The following TMEM131L variants were observed in gnomAD, a reference collection of about 807,000 sequenced individuals.
TMEM131L encodes the protein transmembrane 131 like, also known as transmembrane protein 131-like.
In TMEM131L, 54 loss-of-function variants were observed where a neutral mutation model predicts 192.2. The ratio of observed to expected loss-of-function variants is 0.28; its 90% confidence interval spans 0.23 to 0.35. The LOEUF is 0.35. Ranked by LOEUF, TMEM131L falls within the 10% of genes least tolerant of loss-of-function variation. The probability of loss-of-function intolerance (pLI) is 1.00; values close to 1 mark genes in which losing one functional copy is unlikely to be tolerated. For missense variants in TMEM131L, 1,888 were observed against 1,972.9 expected, an observed-to-expected ratio of 0.96 and a Z score of 0.82; for synonymous variants, 701 against 704.9, an observed-to-expected ratio of 0.99 and a Z score of 0.09.
intron 7 of TMEM131L, among the ~76,000 whole-genome samples, chr4:153,568,221 AAGG>A (rs1396209829): frequency 4.6e-5 from 7 of 152,262 alleles, no homozygotes; most frequent in African/African-American, 1.7e-4. Context: ...GACTGGAAGA[AAGG>A]AGGGGCGCGT....
rs750906462 is a variant in TMEM131L at position 153,621,853 on chromosome 4, T to C, written c.3859+4T>C. 3 of 1,613,676 alleles carry C rather than the reference T, an allele frequency of 1.9e-6. No individual in the cohort carries two copies. Among genetic ancestry groups the C allele is most frequent in the Middle Eastern group, 3.3e-4 (2 of 6,058 alleles). On this transcript the variant is annotated splice_donor_region_variant and intron_variant, in intron 28 of 34. Transcript: ENST00000409959. Reference sequence around the variant, plus strand: ...CCTGCTGCCCAGAGAGAGGCAGGTATGTAATGATACTGAGCTACAAATGGT... The same window carrying C: ...CCTGCTGCCCAGAGAGAGGCAGGTACGTAATGATACTGAGCTACAAATGGT...
At chr4:153,618,087 G>A (rs903566880) in intron 26 of TMEM131L, among the ~76,000 whole-genome samples, 3 of 152,108 alleles carry the variant, frequency 2.0e-5, no homozygotes, top group Non-Finnish European at 4.4e-5. Context: ...GTGGCTTTAA[G>A]AATGACTTTT....
intron 10 of TMEM131L, 71 bp from the exon 11 acceptor site, chr4:153,583,493 A>T (rs527946001): frequency 9.5e-7 from 1 of 1,050,132 alleles, no homozygotes; most frequent in African/African-American, 1.6e-5. Flanking sequence ...ATTTATTCTA[A>T]CGGTTCATTC....
At position 153,466,387 on chromosome 4, in the gene TMEM131L, C is replaced by G; in HGVS notation, c.-11C>G. Reference sequence around the variant, plus strand: ...GCGCGGCGAGCAACGGAGAGGAGCGCGAGCAGCAGCATGGCGGGGCTCCGA... The same window carrying G: ...GCGCGGCGAGCAACGGAGAGGAGCGGGAGCAGCAGCATGGCGGGGCTCCGA... On this transcript the variant is annotated 5_prime_UTR_variant, in exon 1 of 35. Coordinates refer to ENST00000409959, the MANE Select transcript of TMEM131L (RefSeq NM_001131007.2). 6.1e-6 allele frequency: 8 copies of G among 1,305,858 alleles called. No individual in the cohort carries two copies. Among genetic ancestry groups the G allele is most frequent in the Non-Finnish European group, 6.8e-6 (7 of 1,024,000 alleles). 80.9% of individuals were successfully genotyped at this position (1,305,858 alleles called of 1,614,324 possible). A position where few individuals can be genotyped will look rare whatever the true frequency, so the allele number is the denominator to read the frequency against.
chr4:153,492,550 A>G (rs751938283), intron 3 of TMEM131L, among the ~76,000 whole-genome samples: 14 of 152,226 alleles, frequency 9.2e-5, no homozygotes, highest in South Asian at 4.1e-4. Flanking sequence ...AAATATTCTG[A>G]TGTAATAAGT....
intron 4 of TMEM131L, among the ~76,000 whole-genome samples, chr4:153,551,647 C>T (rs1236999419): frequency 1.3e-5 from 2 of 152,036 alleles, no homozygotes; most frequent in African/African-American, 4.8e-5. Flanking sequence ...TGAGCCACCG[C>T]ACCCAGCCTG....
intron 1 of TMEM131L, among the ~76,000 whole-genome samples, chr4:153,466,784 C>T (rs1579992027): frequency 6.6e-6 from 1 of 152,126 alleles, no homozygotes; most frequent in South Asian, 2.1e-4. Context: ...AGCCTTTGTG[C>T]GCGGGCCCCT....
intron 25 of TMEM131L, among the ~76,000 whole-genome samples, chr4:153,605,160 TA>T (rs2126431002): frequency 6.6e-6 from 1 of 152,306 alleles, no homozygotes; most frequent in East Asian, 1.9e-4. Context: ...ATTCCTTGGT[TA>T]AAAGAAGACA....
intron 3 of TMEM131L, among the ~76,000 whole-genome samples, chr4:153,481,331 C>T (rs939187512): frequency 5.3e-5 from 8 of 152,140 alleles, no homozygotes; most frequent in Non-Finnish European, 1.2e-4. Flanking sequence ...ATACCTGACA[C>T]CTGGGTGAAG....
chr4:153,627,576 T>C, intron 30 of TMEM131L, 29 bp from the exon 31 acceptor site: 1 of 1,567,800 alleles, frequency 6.4e-7, no homozygotes. Flanking sequence ...AAAAAATGAG[T>C]CGTTCCTCCT....
At chr4:153,596,509 T>TA in intron 20 of TMEM131L, 124 bp downstream of exon 20, 1 of 1,188,598 alleles carries the variant, frequency 8.4e-7, no homozygotes, top group Non-Finnish European at 1.2e-6. Context: ...TGTTGCGGGG[T>TA]AGGAAGAAGT....
chr4:153,602,085 CAATA>C (rs1345967610), intron 21 of TMEM131L, 63 bp from the exon 22 acceptor site: 5 of 967,848 alleles, frequency 5.2e-6, no homozygotes, highest in Non-Finnish European at 7.4e-6. Flanking sequence ...AATATCGATC[CAATA>C]AATTATTTTA....
At chr4:153,620,664 C>A in intron 26 of TMEM131L, 92 bp from the exon 27 acceptor site, 1 of 783,374 alleles carries the variant, frequency 1.3e-6, no homozygotes, top group Non-Finnish European at 1.9e-6. Flanking sequence ...CTGGGACATT[C>A]TGAATTCAGA....
intron 3 of TMEM131L, among the ~76,000 whole-genome samples, chr4:153,514,937 G>A (rs914103069): frequency 4.0e-5 from 6 of 151,786 alleles, no homozygotes; most frequent in African/African-American, 1.2e-4. Flanking sequence ...TCGGCCTCCC[G>A]GATAGCTGGG....
At chr4:153,577,146 A>G (rs1339483392) in intron 7 of TMEM131L, among the ~76,000 whole-genome samples, 1 of 152,012 alleles carries the variant, frequency 6.6e-6, no homozygotes, top group Non-Finnish European at 1.5e-5. Flanking sequence ...AGGCAAAGGG[A>G]CAGAAAATTC....
chr4:153,617,266 CT>C (rs1733042721), intron 26 of TMEM131L, among the ~76,000 whole-genome samples: 1 of 152,302 alleles, frequency 6.6e-6, no homozygotes, highest in Admixed American at 6.5e-5. Flanking sequence ...TGAGGCCTCC[CT>C]AGCCACATGG....
chr4:153,635,452 G>C lies in TMEM131L; in HGVS notation c.4438G>C (p.Gly1480Arg). ...TGTAGAAAACATGAACTATGCCAATGGCTTCCCCTGTCCTGCAGATGTTCA... is the reference window on the plus strand; with the variant it reads ...TGTAGAAAACATGAACTATGCCAATCGCTTCCCCTGTCCTGCAGATGTTCA... ...FPEENMNYANGFPCPADVQTD... is the reference protein window; with the variant it reads ...FPEENMNYANRFPCPADVQTD... Residue 1480 changes from glycine (G) to arginine (R), a missense_variant, in exon 34 of 35, where the codon GGC (glycine) becomes CGC (arginine). Physicochemically the swap from Gly to Arg is moderately radical, Grantham distance 125 (BLOSUM62 -2). Transcript: ENST00000409959. 1.9e-6 allele frequency: 3 copies of C among 1,613,910 alleles called. No individual in the cohort carries two copies.
intron 3 of TMEM131L, among the ~76,000 whole-genome samples, chr4:153,536,545 G>T (rs1736340975): frequency 6.6e-6 from 1 of 151,410 alleles, no homozygotes; most frequent in South Asian, 2.1e-4. Context: ...TCTAATAAAA[G>T]AAATCCTGAA....
intron 28 of TMEM131L, 36 bp downstream of exon 28, chr4:153,621,885 G>A (rs1455992880): frequency 3.7e-6 from 6 of 1,603,796 alleles, no homozygotes; most frequent in Non-Finnish European, 5.1e-6. Context: ...TGGTGCTTCT[G>A]TGGGAATTTT....
Sources: allele counts gnomAD v4.1 joint callset (sites outside exome capture counted in the v4.1 genomes callset), GRCh38; gene constraint gnomAD v4.1.1; transcripts MANE v1.5; gene names NCBI Gene and HGNC (gene_info 2026-07-23, HGNC 2026-07-21).